Variants in COL1A2 observed in about 807,000 individuals in gnomAD.
COL1A2 encodes the protein collagen type I alpha 2 chain, also known as collagen alpha-2(I) chain.
COL1A2 carries 49 observed loss-of-function variants against 174.3 expected under a neutral mutation model. The observed-to-expected ratio is 0.28, with a 90% CI of 0.22 to 0.36. The LOEUF (loss-of-function observed/expected upper bound fraction) is 0.36, where lower values mean the gene tolerates loss of function less well. Ranked by LOEUF, COL1A2 falls within the 10% of genes least tolerant of loss-of-function variation. The pLI is 1.00. For synonymous variants in COL1A2, 655 were observed against 606.6 expected (o/e 1.08, Z -1.17); for missense variants, 1,438 against 1,822.7 (o/e 0.79, Z 3.84).
chr7:94,396,630 G>A (rs1791589820), intron 1 of COL1A2, among the ~76,000 whole-genome samples: 3 of 152,122 alleles, frequency 2.0e-5, no homozygotes, highest in South Asian at 4.1e-4. Context: ...GTAATTAAAA[G>A]GCAAATTTCC....
chr7:94,400,027 C>T (rs1584313368), intron 4 of COL1A2, 169 bp from the exon 5 acceptor site: 1 of 778,886 alleles, frequency 1.3e-6, no homozygotes, highest in East Asian at 2.4e-5. Context: ...TATTAACCCT[C>T]TTTCTAAAAT....
chr7:94,411,149 C>A lies in COL1A2; in HGVS notation c.1345C>A (p.Pro449Thr). ...CCCTGGGGAGCCTGGTCTCATGGGA[C>A]CCAGAGTAAGTTTCAAACTGATTCT... ...GRPGEPGLMGPRGLPGSPGNI... is the reference protein window; with the variant it reads ...GRPGEPGLMGTRGLPGSPGNI... The change falls in exon 23 of 52, where the codon CCC (proline) becomes ACC (threonine). Residue 449 changes from proline (P) to threonine (T), a missense_variant. Transcript: ENST00000297268. The A allele has an allele frequency of 1.3e-6, 2 of 1,577,938 alleles. No homozygotes were observed. The highest frequency in any genetic ancestry group is 2.3e-5 in the South Asian group (2 of 86,532).
chr7:94,403,978 T>G (rs1035341198), intron 6 of COL1A2, among the ~76,000 whole-genome samples: 1 of 152,194 alleles, frequency 6.6e-6, no homozygotes, highest in Non-Finnish European at 1.5e-5. Flanking sequence ...GTTTCAATAA[T>G]GTTTTATTTT....
chr7:94,423,163 T>G (rs1399041669), intron 40 of COL1A2, 45 bp downstream of exon 40: 1 of 1,605,712 alleles, frequency 6.2e-7, no homozygotes, highest in Admixed American at 1.7e-5. Context: ...TATGCTGAAT[T>G]AAAATAAAGC....
intron 6 of COL1A2, among the ~76,000 whole-genome samples, chr7:94,402,456 A>G (rs1223316753): frequency 1.3e-5 from 2 of 152,150 alleles, no homozygotes; most frequent in Non-Finnish European, 1.5e-5. Flanking sequence ...GTCACTCAGT[A>G]CAAATATTCA....
rs373757534 is a variant in COL1A2 at position 94,408,423 on chromosome 7, G to T, written c.738+43G>T. ...GGAGTTTGAAAGGAGTTGAGAATGT[G>T]GGGTGGGTGCTGTCTTCTTCATTAA... On this transcript the variant is annotated intron_variant, in intron 15 of 51. Transcript: ENST00000297268. 2.9e-4 allele frequency: 460 copies of T among 1,597,796 alleles called. 5 individuals carry two copies. The South Asian group carries it at 4.7e-3, about 16-fold the overall frequency.
rs543810166 is a variant in COL1A2, at chr7:94,395,051, C to G, written c.20C>G (p.Thr7Arg). 2.5e-6 allele frequency: 4 copies of G among 1,613,982 alleles called. No individual in the cohort carries two copies. The East Asian group carries it at 8.9e-5, about 36-fold the overall frequency. Residue 7 changes from threonine (T) to arginine (R), a missense_variant, in exon 1 of 52, where the codon ACG (threonine) becomes AGG (arginine). Thr to Arg is a moderately conservative substitution (Grantham distance 71). Transcript: ENST00000297268. ...CTAGACATGCTCAGCTTTGTGGATACGCGGACTTTGTTGCTGCTTGCAGTA... is the reference window on the plus strand; with the variant it reads ...CTAGACATGCTCAGCTTTGTGGATAGGCGGACTTTGTTGCTGCTTGCAGTA... MLSFVD[T>R]RTLLLLAVTL...
intron 12 of COL1A2, among the ~76,000 whole-genome samples, chr7:94,406,625 C>T (rs1436084605): frequency 6.6e-6 from 1 of 152,038 alleles, no homozygotes; most frequent in African/African-American, 2.4e-5. Flanking sequence ...AACATATAAT[C>T]AGAGATTACG....
chr7:94,404,902 T>A lies in COL1A2; in HGVS notation c.432+10T>A. 1 of 1,613,846 alleles carries A rather than the reference T, an allele frequency of 6.2e-7. No individual in the cohort carries two copies. Among genetic ancestry groups the A allele is most frequent in the Non-Finnish European group, 8.5e-7 (1 of 1,179,814 alleles). On this transcript the variant is annotated intron_variant, in intron 9 of 51. Transcript: ENST00000297268. The stretch of plus-strand genomic sequence containing the variant: ...CAAGGCTGGTGAAGATGTAAGTATT[T>A]ACTCTTAAGCACTTTCAAAATGCTA...
At position 94,429,265 on chromosome 7, in the gene COL1A2, T is replaced by C. The variant is rs777840999; in HGVS notation, c.3789T>C (p.Tyr1263=). The C allele has an allele frequency of 1.2e-6, 2 of 1,614,072 alleles. No homozygotes were observed. Among genetic ancestry groups the C allele is most frequent in the South Asian group, 1.1e-5 (1 of 91,078 alleles). Residue 1263 remains tyrosine, a synonymous_variant, in exon 51 of 52, where the codon TAT becomes TAC. Transcript: ENST00000297268. ...QLAFMRLLAN[Y]ASQNITYHCK... is the part of the protein sequence containing the mutation. ...CCTTCATGCGCCTGCTGGCCAACTATGCCTCTCAGAACATCACCTACCACT... is the reference window on the plus strand; with the variant it reads ...CCTTCATGCGCCTGCTGGCCAACTACGCCTCTCAGAACATCACCTACCACT...
Position 94,411,165 on chromosome 7 carries a change from A to G in COL1A2, c.1350+11A>G. 3 of 1,559,714 alleles carry G rather than the reference A, an allele frequency of 1.9e-6. No homozygotes were observed. The highest frequency in any genetic ancestry group is 2.6e-6 in the Non-Finnish European group (3 of 1,148,744). Reference sequence around the variant, plus strand: ...CTCATGGGACCCAGAGTAAGTTTCAAACTGATTCTGAGCAAATCACACCTG... The same window carrying G: ...CTCATGGGACCCAGAGTAAGTTTCAGACTGATTCTGAGCAAATCACACCTG... On this transcript the variant is annotated intron_variant, in intron 23 of 51. Coordinates refer to ENST00000297268, the MANE Select transcript of COL1A2 (RefSeq NM_000089.4).
Position 94,419,520 on chromosome 7 carries a change from C to A in COL1A2, c.2048C>A (p.Ala683Asp). The change falls in exon 34 of 52, where the codon GCC becomes GAC. Residue 683 changes from alanine (A) to aspartate (D), a missense_variant. This residue lies in a region of COL1A2 where 867 missense variants were observed against 1,213.7 expected (regional missense o/e 0.71). Transcript: ENST00000297268. ...TAGGGTGCTCCTGGTGCTGTAGGTG[C>A]CCCTGGTCCTGCTGGAGCCACAGGT... ...GARGAPGAVG[A>D]PGPAGATGDR... is the part of the protein sequence containing the mutation. The A allele has an allele frequency of 6.2e-7, 1 of 1,614,014 alleles. No homozygotes were observed. Among genetic ancestry groups the A allele is most frequent in the African/African-American group, 1.3e-5 (1 of 74,998 alleles).
intron 5 of COL1A2, 116 bp downstream of exon 5, chr7:94,400,404 T>C: frequency 1.1e-6 from 1 of 932,134 alleles, no homozygotes; most frequent in Non-Finnish European, 1.7e-6. Context: ...TTAGTATATT[T>C]TATTTCATTT....
Position 94,412,117 on chromosome 7 carries a change from C to A in COL1A2, c.1400C>A (p.Pro467His). ...ATCGGCCCCGCTGGAAAAGAAGGTCCTGTCGTAAGTATTGCTCATTTTCCA... is the reference window on the plus strand; with the variant it reads ...ATCGGCCCCGCTGGAAAAGAAGGTCATGTCGTAAGTATTGCTCATTTTCCA... ...GNIGPAGKEG[P>H]VGLPGIDGRP... The change falls in exon 24 of 52, where the codon CCT (proline) becomes CAT (histidine). Residue 467 changes from proline (P) to histidine (H), a missense_variant. Transcript: ENST00000297268. 6.2e-7 allele frequency: 1 copy of A among 1,612,100 alleles called. No individual in the cohort carries two copies. The highest frequency in any genetic ancestry group is 8.5e-7 in the Non-Finnish European group (1 of 1,178,770).
intron 46 of COL1A2, 183 bp from the exon 47 acceptor site, chr7:94,426,825 G>T: frequency 6.2e-6 from 4 of 649,740 alleles, no homozygotes; most frequent in Non-Finnish European, 1.1e-5. Flanking sequence ...TGCTGAAATA[G>T]GTTGTGAAAA....
At chr7:94,423,152 T>A (rs1466170977) in intron 40 of COL1A2, 34 bp downstream of exon 40, 7 of 1,610,134 alleles carry the variant, frequency 4.3e-6, no homozygotes, top group Non-Finnish European at 5.1e-6. Context: ...TCTTAATACC[T>A]TATGCTGAAT....
chr7:94,405,876 G>T, intron 11 of COL1A2, 150 bp downstream of exon 11: 1 of 776,122 alleles, frequency 1.3e-6, no homozygotes, highest in Middle Eastern at 2.6e-4. Flanking sequence ...CAGATTTCTT[G>T]AAAGTAAAGT....
Position 94,420,579 on chromosome 7 carries a change from A to G in COL1A2, c.2226A>G (p.Gly742=). Residue 742 remains glycine, a synonymous_variant, in exon 37 of 52, where the codon GGA becomes GGG. Coordinates refer to ENST00000297268, the MANE Select transcript of COL1A2 (RefSeq NM_000089.4). ...AGQPGAKGER[G]AKGPKGENGV... is the part of the protein sequence containing the mutation. ...AACCTGGTGCTAAAGGAGAAAGAGG[A>G]GCCAAAGGGCCTAAGGGTGAAAACG... 1 of 1,613,760 alleles carries G rather than the reference A, an allele frequency of 6.2e-7. No homozygotes were observed. Among genetic ancestry groups the G allele is most frequent in the Non-Finnish European group, 8.5e-7 (1 of 1,179,874 alleles).
chr7:94,414,295 G>A lies in COL1A2; in HGVS notation c.1719+20G>A, dbSNP rs1791993053. On this transcript the variant is annotated intron_variant, in intron 29 of 51. Coordinates refer to ENST00000297268, the MANE Select transcript of COL1A2 (RefSeq NM_000089.4). ...GAAAGGGTGAGTAAAACAAGTAATA[G>A]TAAGTAGTAACTACTAAACTTGAGA... 2 of 1,610,366 alleles carry A rather than the reference G, an allele frequency of 1.2e-6. No individual in the cohort carries two copies. The highest frequency in any genetic ancestry group is 1.7e-5 in the Admixed American group (1 of 59,984).
Sources: gnomAD v4.1 joint callset for allele counts (sites outside exome capture counted in the v4.1 genomes callset) on GRCh38, gnomAD v4.1.1 for gene constraint, gnomAD v4.1.1 regional missense constraint, MANE v1.5 for transcripts, NCBI Gene and HGNC (gene_info 2026-07-23, HGNC 2026-07-21) for gene names.